The following PCDHGB3 variants were observed in gnomAD, a reference collection of about 807,000 sequenced individuals.
The protein encoded by PCDHGB3 is protocadherin gamma-B3.
Under a neutral mutation model 59.2 loss-of-function variants are expected in PCDHGB3, and 40 were observed. The ratio of observed to expected loss-of-function variants is 0.68; its 90% confidence interval spans 0.52 to 0.88. PCDHGB3 has a LOEUF of 0.88. Among genes scored for constraint, PCDHGB3 ranks in the 40% least tolerant of loss-of-function variants. The pLI, the probability that PCDHGB3 is intolerant of heterozygous loss-of-function variation, is 0.00. For synonymous variants in PCDHGB3, 581 were observed against 503.6 expected, an observed-to-expected ratio of 1.15 and a Z score of -2.06; for missense variants, 1,309 against 1,187.9, an observed-to-expected ratio of 1.10 and a Z score of -1.50.
At chr5:141,390,150 C>T (rs768850867) in intron 1 of PCDHGB3, 1 of 1,613,916 alleles carries the variant, frequency 6.2e-7, no homozygotes, top group African/African-American at 1.3e-5. Flanking sequence ...ATGTGTTGCA[C>T]ATACAGGAAA....
At chr5:141,387,714 A>G in intron 1 of PCDHGB3, 1 of 1,059,158 alleles carries the variant, frequency 9.4e-7, no homozygotes, top group East Asian at 2.6e-5. Context: ...GCCCCAGCTC[A>G]GACTCCCCAG....
In PCDHGB3 at chr5:141,414,051, A is replaced by G. The variant is rs747091153; in HGVS notation, c.2415+41242A>G. ...CATTCCGAAAATTACCTGACACGCA[A>G]TTGTTGAAGTTCCAACTAAACAAAT... On this transcript the variant is annotated intron_variant, in intron 1 of 3. Coordinates refer to ENST00000576222, the MANE Select transcript of PCDHGB3 (RefSeq NM_018924.5). 5.0e-6 allele frequency: 8 copies of G among 1,610,748 alleles called. No individual in the cohort carries two copies. The Admixed American group carries it at 8.4e-5, about 17-fold the overall frequency.
At chr5:141,484,889 TC>T (rs1312115219) in intron 1 of PCDHGB3, 2 of 362,958 alleles carry the variant, frequency 5.5e-6, no homozygotes, top group Admixed American at 8.9e-5. Flanking sequence ...GTGGGCTTTT[TC>T]CCCTCCAATG....
At chr5:141,450,826 A>C (rs965147554) in intron 1 of PCDHGB3, among the ~76,000 whole-genome samples, 1 of 134,302 alleles carries the variant, frequency 7.4e-6, no homozygotes, top group African/African-American at 2.9e-5. Context: ...TATTATTATT[A>C]TTATTTTTTT....
At chr5:141,428,174 G>A (rs962782246) in intron 1 of PCDHGB3, 3 of 1,515,246 alleles carry the variant, frequency 2.0e-6, no homozygotes, top group Non-Finnish European at 2.7e-6. Context: ...TGTGCGTGAC[G>A]GAGGACAGCC....
chr5:141,431,582 G>A lies in PCDHGB3; in HGVS notation c.2415+58773G>A. On this transcript the variant is annotated intron_variant, in intron 1 of 3. Coordinates refer to ENST00000576222, the MANE Select transcript of PCDHGB3 (RefSeq NM_018924.5). The surrounding 1 kb of genome is among the most constrained non-coding windows in gnomAD (Gnocchi z 4.8). Reference sequence around the variant, plus strand: ...TACCGACCCTGACGAAGGAGTCAATGCGGAAGTGAGGTATTCCTTCCGGTA... The same window carrying A: ...TACCGACCCTGACGAAGGAGTCAATACGGAAGTGAGGTATTCCTTCCGGTA... The A allele has an allele frequency of 6.2e-7, 1 of 1,614,210 alleles. No homozygotes were observed. Among genetic ancestry groups the A allele is most frequent in the Non-Finnish European group, 8.5e-7 (1 of 1,180,036 alleles).
chr5:141,496,916 T>C (rs1252437822), intron 2 of PCDHGB3, among the ~76,000 whole-genome samples: 4 of 148,274 alleles, frequency 2.7e-5, no homozygotes, highest in African/African-American at 9.9e-5. Context: ...CTGGGCACTG[T>C]GGTTCACGCC....
intron 1 of PCDHGB3, among the ~76,000 whole-genome samples, chr5:141,467,591 T>C (rs765816743): frequency 3.3e-5 from 5 of 152,360 alleles, no homozygotes; most frequent in South Asian, 4.1e-4. Flanking sequence ...ATGCCATTTA[T>C]TAAGCACTTC....
Position 141,454,796 on chromosome 5 carries a change from A to ATTTTTTTTTTTTT in PCDHGB3, c.2416-39994_2416-39982dup, listed in dbSNP as rs61612330. On this transcript the variant is annotated intron_variant, in intron 1 of 3. Coordinates refer to ENST00000576222, the MANE Select transcript of PCDHGB3 (RefSeq NM_018924.5). ...AAGGAAATAATCCTCCATGGTTCTAATTTTTTTTTTTTTTTTTTTTTTTTT... is the reference window on the plus strand; with the variant it reads ...AAGGAAATAATCCTCCATGGTTCTAATTTTTTTTTTTTTTTTTTTTTTTTTTTTTTTTTTTTTT... Among the ~76,000 whole-genome samples the ATTTTTTTTTTTTT allele has an allele frequency of 1.7e-3, 135 of 77,462 alleles. 8 individuals carry two copies. The highest frequency in any genetic ancestry group is 2.5e-3 in the Admixed American group (14 of 5,554). The allele number at this position is 77,462 out of a possible 152,430, so 50.8% of individuals were successfully genotyped here.
intron 1 of PCDHGB3, chr5:141,440,359 G>T (rs932656332): frequency 5.3e-5 from 8 of 152,106 alleles, no homozygotes; most frequent in Non-Finnish European, 1.2e-4. Context: ...CTAGCTACTC[G>T]GGGGGCCGAG....
At position 141,372,130 on chromosome 5, in the gene PCDHGB3, C is replaced by T; in HGVS notation, c.1736C>T (p.Pro579Leu). Reference protein sequence around the residue: ...PEGSALFDMVPRSAEPGYLVT... With the variant: ...PEGSALFDMVLRSAEPGYLVT... Reference sequence around the variant, plus strand: ...GGCTCTGCGCTCTTCGATATGGTGCCGCGCTCTGCAGAGCCTGGCTACCTG... The same window carrying T: ...GGCTCTGCGCTCTTCGATATGGTGCTGCGCTCTGCAGAGCCTGGCTACCTG... Residue 579 changes from proline (P) to leucine (L), a missense_variant, in exon 1 of 4, where the codon CCG becomes CTG. By Grantham distance (98) the Pro-to-Leu change is moderately conservative. Coordinates refer to ENST00000576222, the MANE Select transcript of PCDHGB3 (RefSeq NM_018924.5). 2.5e-6 allele frequency: 4 copies of T among 1,613,648 alleles called. No homozygotes were observed. The highest frequency in any genetic ancestry group is 1.1e-5 in the South Asian group (1 of 91,072).
intron 1 of PCDHGB3, chr5:141,420,103 G>C (rs754672450): frequency 4.3e-6 from 7 of 1,613,990 alleles, no homozygotes; most frequent in Non-Finnish European, 2.5e-6. Context: ...AGGGAACGTT[G>C]CCCTATGCCT....
At chr5:141,415,392 G>T in intron 1 of PCDHGB3, 1 of 1,614,238 alleles carries the variant, frequency 6.2e-7, no homozygotes, top group Non-Finnish European at 8.5e-7. Context: ...TGACAGGTGT[G>T]TCCGGCTCGC....
In PCDHGB3 at chr5:141,423,840, A is replaced by G. The variant is rs189449471; in HGVS notation, c.2415+51031A>G. ...CTTTGCCTTTCATGAGATTACGATA[A>G]TCTTTCAGAACGTTTTTGTGAAAGT... On this transcript the variant is annotated intron_variant, in intron 1 of 3. Coordinates refer to ENST00000576222, the MANE Select transcript of PCDHGB3 (RefSeq NM_018924.5). 1,637 of 1,279,840 alleles carry G rather than the reference A, an allele frequency of 1.3e-3. 3 individuals carry two copies. The highest frequency in any genetic ancestry group is 1.5e-3 in the Non-Finnish European group (1,519 of 1,009,392). 79.3% of individuals were successfully genotyped at this position (1,279,840 alleles called of 1,614,324 possible).
At position 141,476,613 on chromosome 5, in the gene PCDHGB3, G is replaced by A; in HGVS notation, c.2416-18194G>A. On this transcript the variant is annotated intron_variant, in intron 1 of 3. Coordinates refer to ENST00000576222, the MANE Select transcript of PCDHGB3 (RefSeq NM_018924.5). This position sits in a 1 kb window ranked among gnomAD's most constrained non-coding sequence, Gnocchi z 7.6. ...AGCGCGCACGATCCCGATGTGGGAA[G>A]CAACTCTTTACAAACCTATGAGCTG... is the stretch of plus-strand genomic sequence containing the variant. 1 of 1,614,266 alleles carries A rather than the reference G, an allele frequency of 6.2e-7. No homozygotes were observed. The highest frequency in any genetic ancestry group is 1.3e-5 in the African/African-American group (1 of 75,078).
intron 1 of PCDHGB3, chr5:141,478,076 C>A: frequency 6.2e-7 from 1 of 1,614,106 alleles, no homozygotes. Context: ...CAATGGGGAG[C>A]CTTCGCTCTC....
chr5:141,424,692 T>C (rs910540428), intron 1 of PCDHGB3: 2 of 152,004 alleles, frequency 1.3e-5, no homozygotes, highest in African/African-American at 4.8e-5. Context: ...CTTCTGGCTA[T>C]TTTTTTGTTC....
rs1474849292 is a variant in PCDHGB3 at position 141,454,205 on chromosome 5, G to T, written c.2416-40602G>T. Among the ~76,000 whole-genome samples, 3 of 152,154 alleles carry T rather than the reference G, an allele frequency of 2.0e-5. No individual in the cohort carries two copies. The East Asian group carries it at 5.8e-4, about 29-fold the overall frequency. ...GGAGCTTAGTGAAGGTGAATTTATT[G>T]ACATGAATGAGAAAAGTAATTGTGA... On this transcript the variant is annotated intron_variant, in intron 1 of 3. Coordinates refer to ENST00000576222, the MANE Select transcript of PCDHGB3 (RefSeq NM_018924.5).
intron 1 of PCDHGB3, chr5:141,422,717 T>A: frequency 6.2e-7 from 1 of 1,604,832 alleles, no homozygotes; most frequent in Non-Finnish European, 8.5e-7. Flanking sequence ...GATGACACTG[T>A]CCAGGGGGTG....
Sources: gnomAD v4.1 joint callset for allele counts (sites outside exome capture counted in the v4.1 genomes callset) on GRCh38, gnomAD v4.1.1 for gene constraint, Gnocchi (gnomAD v3.1) non-coding constraint, MANE v1.5 for transcripts, NCBI Gene and HGNC (gene_info 2026-07-23, HGNC 2026-07-21) for gene names.